Variants in BANK1 observed in about 807,000 individuals in gnomAD.
BANK1 encodes B-cell scaffold protein with ankyrin repeats.
Under a neutral mutation model 94.5 loss-of-function variants are expected in BANK1, and 95 were observed. That is an observed-to-expected ratio of 1.00 (90% CI 0.85 to 1.19). BANK1 has a LOEUF of 1.19. Ranked by LOEUF, BANK1 falls within the 50% of genes most tolerant of loss-of-function variation. The pLI is 0.00. For missense variants in BANK1, 987 were observed against 932.2 expected, an observed-to-expected ratio of 1.06 and a Z score of -0.77; for synonymous variants, 334 against 308.4, an observed-to-expected ratio of 1.08 and a Z score of -0.87.
chr4:101,858,184 A>C (rs1278251887), intron 3 of BANK1, among the ~76,000 whole-genome samples: 1 of 152,210 alleles, frequency 6.6e-6, no homozygotes, highest in Admixed American at 6.5e-5. Flanking sequence ...TCTCCACTGC[A>C]GGTGATTTTG....
rs28636415 is a variant in BANK1 at position 101,852,470 on chromosome 4, C to A, written c.470-2565C>A. On this transcript the variant is annotated intron_variant, in intron 2 of 16. Coordinates refer to ENST00000322953, the MANE Select transcript of BANK1 (RefSeq NM_017935.5). ...GAAAGAACCACTCAATATTTTTCGG[C>A]TATATATATATATATATATATATAT... 8.5e-3 allele frequency among the ~76,000 whole-genome samples: 884 copies of A among 103,738 alleles called. 10 individuals carry two copies. Among genetic ancestry groups the A allele is most frequent in the African/African-American group, 0.026 (619 of 23,992 alleles). The allele number at this position is 103,738 out of a possible 152,430, so 68.1% of individuals were successfully genotyped here. A position where few individuals can be genotyped will look rare whatever the true frequency, so the allele number is the denominator to read the frequency against.
rs538745964 is a variant in BANK1 at position 102,060,284 on chromosome 4, C to T, written c.2043C>T (p.Ile681=). The change falls in exon 12 of 17, where the codon ATC becomes ATT. Residue 681 remains isoleucine, a synonymous_variant. Transcript: ENST00000322953. ...GCLTDGQEEL[I]LLQEKVKNGK... Reference sequence around the variant, plus strand: ...TAACTGATGGTCAGGAAGAACTCATCCTCCTGCAGGAGAAAGTAAAGAATG... The same window carrying T: ...TAACTGATGGTCAGGAAGAACTCATTCTCCTGCAGGAGAAAGTAAAGAATG... 2.1e-4 allele frequency: 345 copies of T among 1,610,216 alleles called. 3 individuals carry two copies. The South Asian group carries it at 3.6e-3, about 17-fold the overall frequency.
At chr4:101,857,833 C>A (rs991795137) in intron 3 of BANK1, among the ~76,000 whole-genome samples, 1 of 152,058 alleles carries the variant, frequency 6.6e-6, no homozygotes, top group Non-Finnish European at 1.5e-5. Flanking sequence ...CTTAATTTGA[C>A]CTCTTCTTTT....
At chr4:102,071,769 A>T (rs1728770540) in intron 14 of BANK1, among the ~76,000 whole-genome samples, 2 of 152,182 alleles carry the variant, frequency 1.3e-5, no homozygotes, top group African/African-American at 4.8e-5. Context: ...TTTCCATGTG[A>T]TGGGGGGATT....
chr4:101,911,513 C>CT (rs1722665896), intron 6 of BANK1, among the ~76,000 whole-genome samples: 2 of 148,596 alleles, frequency 1.3e-5, no homozygotes, highest in South Asian at 4.2e-4. Context: ...GAAGAAGCCC[C>CT]ATTGGGTTCA....
chr4:101,919,818 A>G (rs895887622), intron 7 of BANK1, among the ~76,000 whole-genome samples: 2 of 152,004 alleles, frequency 1.3e-5, no homozygotes, highest in African/African-American at 4.8e-5. Context: ...GCAAGTGCCA[A>G]CAGATCTGTC....
At chr4:102,044,871 A>G (rs1727826733) in intron 11 of BANK1, among the ~76,000 whole-genome samples, 1 of 117,736 alleles carries the variant, frequency 8.5e-6, no homozygotes, top group Non-Finnish European at 1.7e-5. Context: ...CCACTTTTTG[A>G]TGGGGTTGTT....
At chr4:101,897,142 T>G (rs1250067489) in intron 6 of BANK1, among the ~76,000 whole-genome samples, 1 of 151,914 alleles carries the variant, frequency 6.6e-6, no homozygotes, top group East Asian at 1.9e-4. Flanking sequence ...TCGTTTGTCT[T>G]GAGTGATTTG....
At chr4:101,810,529 T>C (rs1303040940) in intron 1 of BANK1, among the ~76,000 whole-genome samples, 2 of 152,324 alleles carry the variant, frequency 1.3e-5, no homozygotes, top group African/African-American at 2.4e-5. Context: ...AATGTTACCC[T>C]TAGGTAGTCA....
At chr4:101,809,604 C>T (rs1392045845) in intron 1 of BANK1, among the ~76,000 whole-genome samples, 2 of 152,036 alleles carry the variant, frequency 1.3e-5, no homozygotes, top group African/African-American at 2.4e-5. Flanking sequence ...CCTAATGCTT[C>T]GCATTCTCAA....
rs1379421060 is a variant in BANK1 at position 101,912,753 on chromosome 4, T to C, written c.1010-5240T>C. ...ATTTTCATTTTGTCCCTATAATACATATGGCAGTGCTTCCAAAGGCGTCTT... is the reference window on the plus strand; with the variant it reads ...ATTTTCATTTTGTCCCTATAATACACATGGCAGTGCTTCCAAAGGCGTCTT... On this transcript the variant is annotated intron_variant, in intron 6 of 16. Transcript: ENST00000322953. Among the ~76,000 whole-genome samples the C allele has an allele frequency of 4.6e-5, 7 of 151,874 alleles. No individual in the cohort carries two copies. The East Asian group carries it at 7.7e-4, about 17-fold the overall frequency.
At chr4:101,883,305 GAT>G in intron 5 of BANK1, among the ~76,000 whole-genome samples, 1 of 152,214 alleles carries the variant, frequency 6.6e-6, no homozygotes, top group South Asian at 2.1e-4. Flanking sequence ...TTTAACAGCA[GAT>G]ATACTAGCTG....
intron 11 of BANK1, among the ~76,000 whole-genome samples, chr4:102,054,425 A>G (rs1728158907): frequency 6.6e-6 from 1 of 152,088 alleles, no homozygotes; most frequent in Admixed American, 6.5e-5. Flanking sequence ...CCTTCATTTT[A>G]TAGACAAAGA....
chr4:101,853,507 G>A (rs1727568796), intron 2 of BANK1, among the ~76,000 whole-genome samples: 1 of 152,118 alleles, frequency 6.6e-6, no homozygotes, highest in Non-Finnish European at 1.5e-5. Context: ...GCAATAAAGA[G>A]AAGGCACATC....
At chr4:101,955,827 A>G (rs1416129610) in intron 7 of BANK1, among the ~76,000 whole-genome samples, 1 of 152,184 alleles carries the variant, frequency 6.6e-6, no homozygotes, top group African/African-American at 2.4e-5. Flanking sequence ...AGTTCCATCA[A>G]TTAGCCATAA....
At chr4:101,902,415 A>C (rs1323865926) in intron 6 of BANK1, among the ~76,000 whole-genome samples, 1 of 152,204 alleles carries the variant, frequency 6.6e-6, no homozygotes, top group Non-Finnish European at 1.5e-5. Flanking sequence ...AATTATTATA[A>C]ATATTGTTTA....
intron 10 of BANK1, among the ~76,000 whole-genome samples, chr4:102,031,662 C>A (rs3133078): frequency 0.66 from 100,169 of 152,004 alleles, 34,117 homozygotes; most frequent in African/African-American, 0.83. Flanking sequence ...TAGAAATTCT[C>A]CTTGATACTT....
In BANK1 at chr4:101,918,057, G is replaced by A. The variant is rs1722883810; in HGVS notation, c.1074G>A (p.Leu358=). 6.2e-7 allele frequency: 1 copy of A among 1,611,572 alleles called. No homozygotes were observed. ...HCAAKFGLKN[L]AIHLLQCSGA... Reference sequence around the variant, plus strand: ...CAGCAAAATTTGGCTTAAAGAACCTGGCTATTCATTTGCTTCAATGTTCAG... The same window carrying A: ...CAGCAAAATTTGGCTTAAAGAACCTAGCTATTCATTTGCTTCAATGTTCAG... Residue 358 remains leucine, a synonymous_variant, in exon 7 of 17, where the codon CTG becomes CTA. Coordinates refer to ENST00000322953, the MANE Select transcript of BANK1 (RefSeq NM_017935.5).
At chr4:101,811,229 G>A (rs1284665301) in intron 1 of BANK1, among the ~76,000 whole-genome samples, 1 of 152,108 alleles carries the variant, frequency 6.6e-6, no homozygotes, top group Non-Finnish European at 1.5e-5. Context: ...CTTGTTAGAT[G>A]TACAAGTATT....
Sources: allele counts gnomAD v4.1 joint callset (sites outside exome capture counted in the v4.1 genomes callset), GRCh38; gene constraint gnomAD v4.1.1; transcripts MANE v1.5; gene names NCBI Gene and HGNC (gene_info 2026-07-23, HGNC 2026-07-21).